Variants in SPATA4 observed in about 807,000 individuals in gnomAD.
SPATA4 encodes spermatogenesis associated 4, also known as spermatogenesis-associated protein 4.
Under a neutral mutation model 31.8 loss-of-function variants are expected in SPATA4, and 35 were observed. The observed-to-expected ratio is 1.10, with a 90% CI of 0.84 to 1.46. The LOEUF is 1.46. SPATA4 is among the 40% of genes most tolerant of loss of function. SPATA4 has a pLI of 0.00. For synonymous variants in SPATA4, 126 were observed against 132.4 expected (o/e 0.95, Z 0.33); for missense variants, 394 against 363.1 (o/e 1.09, Z -0.69).
At chr4:176,190,018 G>GCCA (rs1465194903) in intron 4 of SPATA4, among the ~76,000 whole-genome samples, 1 of 152,128 alleles carries the variant, frequency 6.6e-6, no homozygotes, top group African/African-American at 2.4e-5. Flanking sequence ...ACGTGACTGG[G>GCCA]GGCTGCGTGC....
chr4:176,188,830 T>G (rs1171654491), intron 4 of SPATA4, among the ~76,000 whole-genome samples: 1 of 152,226 alleles, frequency 6.6e-6, no homozygotes, highest in Non-Finnish European at 1.5e-5. Flanking sequence ...TAAAGATCAC[T>G]TCCTCCTCTG....
At position 176,189,947 on chromosome 4, in the gene SPATA4, G is replaced by A. The variant is rs113393339; in HGVS notation, c.689-1712C>T. 8.1e-3 allele frequency among the ~76,000 whole-genome samples: 1,232 copies of A among 152,196 alleles called. 22 individuals carry two copies. Among genetic ancestry groups the A allele is most frequent in the African/African-American group, 0.028 (1,167 of 41,506 alleles). Reference sequence around the variant, plus strand: ...GTGAGCAATTCCTGTCCCTTTTAAGGGCTCACAACTCTAAGGGGGTGCACG... The same window carrying A: ...GTGAGCAATTCCTGTCCCTTTTAAGAGCTCACAACTCTAAGGGGGTGCACG... On this transcript the variant is annotated intron_variant, in intron 4 of 5. Coordinates refer to ENST00000280191, the MANE Select transcript of SPATA4 (RefSeq NM_144644.4).
chr4:176,189,200 T>C, intron 4 of SPATA4, among the ~76,000 whole-genome samples: 1 of 152,172 alleles, frequency 6.6e-6, no homozygotes. Context: ...ACTGAAATGC[T>C]AGACAACGAA....
intron 4 of SPATA4, among the ~76,000 whole-genome samples, chr4:176,191,185 T>C (rs1164176450): frequency 2.0e-5 from 3 of 150,742 alleles, no homozygotes; most frequent in African/African-American, 7.3e-5. Context: ...AACCTAAGCC[T>C]CCTGGGTTCA....
At chr4:176,187,876 A>G (rs1752469901) in intron 5 of SPATA4, among the ~76,000 whole-genome samples, 2 of 152,268 alleles carry the variant, frequency 1.3e-5, no homozygotes, top group South Asian at 4.1e-4. Context: ...CAACTCACCT[A>G]TTTAAGCATA....
chr4:176,188,541 G>C (rs1396421073), intron 4 of SPATA4, among the ~76,000 whole-genome samples: 1 of 152,146 alleles, frequency 6.6e-6, no homozygotes, highest in Non-Finnish European at 1.5e-5. Context: ...ATGAATGTGT[G>C]AGTGAATACA....
chr4:176,187,330 AT>A (rs58044270), intron 5 of SPATA4, among the ~76,000 whole-genome samples: 15 of 150,054 alleles, frequency 1.0e-4, no homozygotes, highest in Middle Eastern at 3.4e-3. Flanking sequence ...TTTTCTTTTG[AT>A]TTTTTTTTTA....
chr4:176,194,178 C>T (rs1752576991), intron 1 of SPATA4: 2 of 152,080 alleles, frequency 1.3e-5, no homozygotes, highest in African/African-American at 4.8e-5. Context: ...AGTGCAAGAG[C>T]AGTGATGCTG....
chr4:176,195,032 G>A (rs1752592294), intron 1 of SPATA4, among the ~76,000 whole-genome samples: 1 of 151,960 alleles, frequency 6.6e-6, no homozygotes, highest in Non-Finnish European at 1.5e-5. Flanking sequence ...AACTGTGCCC[G>A]GCCGTCCTTA....
chr4:176,193,372 C>T, intron 2 of SPATA4, 81 bp downstream of exon 2: 15 of 1,522,844 alleles, frequency 9.8e-6, no homozygotes, highest in South Asian at 1.3e-5. Flanking sequence ...CACACATACA[C>T]GTAGAGATCC....
At chr4:176,187,543 G>A (rs1008621803) in intron 5 of SPATA4, among the ~76,000 whole-genome samples, 2 of 152,114 alleles carry the variant, frequency 1.3e-5, no homozygotes, top group African/African-American at 4.8e-5. Context: ...GGTGGAAGTT[G>A]CAGTGAGCCG....
In SPATA4 at chr4:176,191,096, A is replaced by T. The variant is rs941068595; in HGVS notation, c.688+1531T>A. On this transcript the variant is annotated intron_variant, in intron 4 of 5. Coordinates refer to ENST00000280191, the MANE Select transcript of SPATA4 (RefSeq NM_144644.4). ...AATAATATATAAATAGTATGTATAG[A>T]TTTTTTTTTTTTTTTTTGAGACAGA... is the stretch of plus-strand genomic sequence containing the variant. Among the ~76,000 whole-genome samples, 10 of 123,190 alleles carry T rather than the reference A, an allele frequency of 8.1e-5. 1 individual carries two copies. Among genetic ancestry groups the T allele is most frequent in the African/African-American group, 2.4e-4 (8 of 33,860 alleles). 80.8% of individuals were successfully genotyped at this position (123,190 alleles called of 152,430 possible). A position where few individuals can be genotyped will look rare whatever the true frequency, so the allele number is the denominator to read the frequency against.
At chr4:176,191,392 C>T (rs996802409) in intron 4 of SPATA4, among the ~76,000 whole-genome samples, 8 of 152,106 alleles carry the variant, frequency 5.3e-5, no homozygotes, top group Non-Finnish European at 1.0e-4. Flanking sequence ...CCGCACCCGG[C>T]CTAGATTTCT....
At chr4:176,191,096 ATTTTTTTTT>A (rs70962456) in intron 4 of SPATA4, among the ~76,000 whole-genome samples, 1 of 123,198 alleles carries the variant, frequency 8.1e-6, no homozygotes, top group Admixed American at 8.2e-5. Flanking sequence ...GTATGTATAG[ATTTTTTTTT>A]TTTTTTTTGA....
At position 176,193,593 on chromosome 4, in the gene SPATA4, G is replaced by A. The variant is rs1452614082; in HGVS notation, c.219-11C>T. 6.3e-7 allele frequency: 1 copy of A among 1,594,636 alleles called. No homozygotes were observed. The highest frequency in any genetic ancestry group is 8.5e-7 in the Non-Finnish European group (1 of 1,174,004). Reference sequence around the variant, plus strand: ...CCATTTGAAAAATCTCTGATCCGTGGCAATTAGGAAATGAAATAAAGTGTA... The same window carrying A: ...CCATTTGAAAAATCTCTGATCCGTGACAATTAGGAAATGAAATAAAGTGTA... On this transcript the variant is annotated splice_polypyrimidine_tract_variant and intron_variant, in intron 1 of 5. Transcript: ENST00000280191.
chr4:176,188,118 C>T lies in SPATA4; in HGVS notation c.805+1G>A, dbSNP rs140274312. 1,050 of 1,600,696 alleles carry T rather than the reference C, an allele frequency of 6.6e-4. 2 individuals carry two copies. The highest frequency in any genetic ancestry group is 1.9e-3 in the South Asian group (168 of 89,954). On this transcript the variant is annotated splice_donor_variant, in intron 5 of 5. Transcript: ENST00000280191. LOFTEE classifies it high-confidence loss of function. ...TTAAGAAGCAAAGAGTTAAAACTTA[C>T]GTAAAACAGGGACAACTCTTCCTCT...
chr4:176,185,475 C>T (rs1752426240), intron 5 of SPATA4, among the ~76,000 whole-genome samples: 1 of 152,110 alleles, frequency 6.6e-6, no homozygotes, highest in African/African-American at 2.4e-5. Flanking sequence ...TTAATTTTGG[C>T]CCCCCTGTTT....
Position 176,195,457 on chromosome 4 carries a change from G to A in SPATA4, c.106C>T (p.Pro36Ser). ...PQLAAPIRGR[P>S]KKCLVYPHAP... ...TGCGGATAGACCAGACACTTCTTAG[G>A]CCTCCCTCGGATGGGAGCTGCTAGC... The change falls in exon 1 of 6, where the codon CCT becomes TCT. Residue 36 changes from proline to serine, a missense_variant. Physicochemically the swap from Pro to Ser is moderately conservative, Grantham distance 74. Coordinates refer to ENST00000280191, the MANE Select transcript of SPATA4 (RefSeq NM_144644.4). 1.2e-6 allele frequency: 2 copies of A among 1,614,254 alleles called. No individual in the cohort carries two copies. The highest frequency in any genetic ancestry group is 2.2e-5 in the South Asian group (2 of 91,082).
Position 176,188,141 on chromosome 4 carries a change from T to C in SPATA4, c.783A>G (p.Arg261=). The C allele has an allele frequency of 6.2e-7, 1 of 1,613,052 alleles. No individual in the cohort carries two copies. The highest frequency in any genetic ancestry group is 8.5e-7 in the Non-Finnish European group (1 of 1,179,456). The part of the protein sequence containing the change: ...SGRRYNLKVK[R]GRVVPVLPNI... Reference sequence around the variant, plus strand: ...TACGTAAAACAGGGACAACTCTTCCTCTTTTAACTTTTAAATTATATCTGC... The same window carrying C: ...TACGTAAAACAGGGACAACTCTTCCCCTTTTAACTTTTAAATTATATCTGC... Residue 261 remains arginine, a synonymous_variant, in exon 5 of 6, where the codon AGA becomes AGG. Transcript: ENST00000280191.
Sources: allele counts gnomAD v4.1 joint callset (sites outside exome capture counted in the v4.1 genomes callset), GRCh38; gene constraint gnomAD v4.1.1; transcripts MANE v1.5; gene names NCBI Gene and HGNC (gene_info 2026-07-23, HGNC 2026-07-21).